Variants in THSD4 observed in about 807,000 individuals in gnomAD.
THSD4 encodes thrombospondin type 1 domain containing 4.
In THSD4, 69 loss-of-function variants were observed where a neutral mutation model predicts 119.0. The ratio of observed to expected loss-of-function variants is 0.58; its 90% CI spans 0.48 to 0.71. The LOEUF is 0.71. Among genes scored for constraint, THSD4 ranks in the 30% least tolerant of loss-of-function variants. The pLI is 0.00. For missense variants in THSD4, 1,393 were observed against 1,391.1 expected (o/e 1.00, Z -0.02); for synonymous variants, 524 against 540.4 (o/e 0.97, Z 0.42).
intron 7 of THSD4, among the ~76,000 whole-genome samples, chr15:71,477,948 A>G (rs2047675911): frequency 1.1e-5 from 1 of 95,018 alleles, no homozygotes. Context: ...AAATCCAACA[A>G]TTCTGGTCCC....
intron 6 of THSD4, among the ~76,000 whole-genome samples, chr15:71,264,115 C>T (rs34288526): frequency 0.018 from 2,751 of 152,346 alleles, 38 homozygotes; most frequent in Non-Finnish European, 0.03. Context: ...GCAGGGGGCG[C>T]TGTCAGATAA....
chr15:71,591,526 C>A (rs1469626020), intron 7 of THSD4, among the ~76,000 whole-genome samples: 1 of 152,212 alleles, frequency 6.6e-6, no homozygotes, highest in Non-Finnish European at 1.5e-5. Context: ...CCCTGGGCTT[C>A]CCTGTCACAC....
chr15:71,125,675 C>G (rs972401121), intron 1 of THSD4, among the ~76,000 whole-genome samples: 1 of 152,132 alleles, frequency 6.6e-6, no homozygotes, highest in Non-Finnish European at 1.5e-5. Context: ...GGGTGCAGAC[C>G]CAGCTCTCCA....
chr15:71,258,904 G>A (rs949744760), intron 6 of THSD4, among the ~76,000 whole-genome samples: 7 of 151,980 alleles, frequency 4.6e-5, no homozygotes, highest in African/African-American at 1.7e-4. Flanking sequence ...ACCTGAGGTC[G>A]GGAGTTCAAG....
rs1250510366 is a variant in THSD4 at position 71,654,469 on chromosome 15, C to A, written c.1153-6061C>A. ...TTTTATTAACAATACTGTGATGAGC[C>A]CTTCATACAGAAACTGTTGGCCTGA... On this transcript the variant is annotated intron_variant, in intron 7 of 17. Transcript: ENST00000261862. Among the ~76,000 whole-genome samples the A allele has an allele frequency of 2.6e-5, 4 of 152,054 alleles. No individual in the cohort carries two copies. In the East Asian group the frequency reaches 7.7e-4, roughly 29 times the overall value.
chr15:71,232,415 T>C (rs545600603), intron 4 of THSD4, among the ~76,000 whole-genome samples: 3 of 152,280 alleles, frequency 2.0e-5, no homozygotes, highest in African/African-American at 7.2e-5. Context: ...TCAGGGATCA[T>C]GCACACACCA....
intron 7 of THSD4, among the ~76,000 whole-genome samples, chr15:71,538,153 C>G (rs963618993): frequency 1.3e-5 from 2 of 151,898 alleles, no homozygotes; most frequent in African/African-American, 4.8e-5. Flanking sequence ...GTGTTTTTGT[C>G]TTCATTATAG....
At chr15:71,477,409 G>A (rs896477382) in intron 7 of THSD4, among the ~76,000 whole-genome samples, 1 of 152,154 alleles carries the variant, frequency 6.6e-6, no homozygotes, top group African/African-American at 2.4e-5. Context: ...GCAGGCCCTG[G>A]GTATTGAATT....
intron 7 of THSD4, among the ~76,000 whole-genome samples, chr15:71,623,276 A>T (rs374135889): frequency 1.3e-5 from 2 of 152,206 alleles, no homozygotes; most frequent in East Asian, 3.9e-4. Flanking sequence ...TAATGACAAC[A>T]ACTACCATTT....
chr15:71,456,718 G>C (rs1446075403), intron 7 of THSD4, among the ~76,000 whole-genome samples: 1 of 152,098 alleles, frequency 6.6e-6, no homozygotes, highest in Non-Finnish European at 1.5e-5. Context: ...GGTAGAATGG[G>C]GAGGCAAAAC....
chr15:71,144,850 A>G (rs1012571669), intron 2 of THSD4, among the ~76,000 whole-genome samples: 4 of 152,196 alleles, frequency 2.6e-5, no homozygotes, highest in African/African-American at 9.6e-5. Flanking sequence ...CAAGCTCTGG[A>G]TGCCATGTAA....
chr15:71,318,675 C>T (rs978141461), intron 6 of THSD4, among the ~76,000 whole-genome samples: 3 of 152,096 alleles, frequency 2.0e-5, no homozygotes, highest in African/African-American at 7.2e-5. Context: ...AGGGCCAGAA[C>T]CACACTGGAT....
chr15:71,777,383 C>T lies in THSD4; in HGVS notation c.*9C>T, dbSNP rs1197711791. ...TCCTGGGGAGCAGATAACACTCCTG[C>T]ACCCCCATCAGTAGGGCAGCATCAC... On this transcript the variant is annotated 3_prime_UTR_variant, in exon 18 of 18. Transcript: ENST00000261862. 1 of 1,611,820 alleles carries T rather than the reference C, an allele frequency of 6.2e-7. No homozygotes were observed. The highest frequency in any genetic ancestry group is 8.5e-7 in the Non-Finnish European group (1 of 1,179,350).
At chr15:71,274,087 C>T (rs1003588612) in intron 6 of THSD4, among the ~76,000 whole-genome samples, 1 of 152,144 alleles carries the variant, frequency 6.6e-6, no homozygotes, top group African/African-American at 2.4e-5. Context: ...CCAGGGGGAG[C>T]TGGGACACCC....
rs927876698 is a variant in THSD4, at chr15:71,214,131, G to A, written c.100-904G>A. On this transcript the variant is annotated intron_variant, in intron 3 of 17. Transcript: ENST00000261862. ...ATCAGCACTCTGTGTATAGCTAGAG[G>A]ATTGTATATGCACCAATCAGCACTC... is the stretch of plus-strand genomic sequence containing the variant. 1.3e-5 allele frequency among the ~76,000 whole-genome samples: 2 copies of A among 152,132 alleles called. 1 individual carries two copies. The highest frequency in any genetic ancestry group is 1.3e-4 in the Admixed American group (2 of 15,276).
intron 6 of THSD4, among the ~76,000 whole-genome samples, chr15:71,263,454 AT>A (rs1379405486): frequency 6.6e-6 from 1 of 151,852 alleles, no homozygotes; most frequent in Non-Finnish European, 1.5e-5. Context: ...TATGTTCATA[AT>A]GCATGCATGT....
chr15:71,521,562 C>G (rs142961975), intron 7 of THSD4, among the ~76,000 whole-genome samples: 12 of 152,232 alleles, frequency 7.9e-5, no homozygotes, highest in African/African-American at 2.9e-4. Context: ...TTGAAAATAC[C>G]TAGACTTCCA....
At chr15:71,722,021 G>A (rs1406608368) in intron 8 of THSD4, among the ~76,000 whole-genome samples, 1 of 151,844 alleles carries the variant, frequency 6.6e-6, no homozygotes, top group Non-Finnish European at 1.5e-5. Context: ...TGAGAGTGAA[G>A]GTATCTTTAT....
intron 7 of THSD4, among the ~76,000 whole-genome samples, chr15:71,584,539 A>C (rs2049626346): frequency 6.6e-6 from 1 of 151,760 alleles, no homozygotes. Flanking sequence ...AAAGTGCTGG[A>C]ATTATAGACA....
Sources: gnomAD v4.1 joint callset for allele counts (sites outside exome capture counted in the v4.1 genomes callset) on GRCh38, gnomAD v4.1.1 for gene constraint, MANE v1.5 for transcripts, NCBI Gene and HGNC (gene_info 2026-07-23, HGNC 2026-07-21) for gene names.